ANKRD30B: variants seen among roughly 807,000 people sequenced by gnomAD.
ANKRD30B encodes the protein ankyrin repeat domain-containing protein 30B.
ANKRD30B carries 144 observed loss-of-function variants against 202.2 expected under a neutral mutation model. The observed-to-expected ratio is 0.71, with a 90% CI of 0.62 to 0.82. The LOEUF (loss-of-function observed/expected upper bound fraction) is 0.82, where lower values mean the gene tolerates loss of function less well. Ranked by LOEUF, ANKRD30B falls within the 40% of genes least tolerant of loss-of-function variation. The probability of loss-of-function intolerance (pLI) is 0.00; values close to 1 mark genes in which losing one functional copy is unlikely to be tolerated. For synonymous variants in ANKRD30B, 508 were observed against 561.3 expected (o/e 0.91, Z 1.34); for missense variants, 1,487 against 1,669.1 (o/e 0.89, Z 1.90).
chr18:14,862,043 A>G, the ANKRD30B span, among the ~76,000 whole-genome samples: 1 of 152,254 alleles, frequency 6.6e-6, no homozygotes, highest in African/African-American at 2.4e-5. Flanking sequence ...TTTTGTGTAA[A>G]TAACAGAATT....
intron 6 of ANKRD30B, among the ~76,000 whole-genome samples, chr18:14,761,536 T>A (rs1275528368): frequency 6.6e-6 from 1 of 152,232 alleles, no homozygotes; most frequent in Non-Finnish European, 1.5e-5. Flanking sequence ...GTACCCACTT[T>A]AGGCTATTTA....
chr18:14,793,935 C>T (rs2143947312), intron 16 of ANKRD30B, among the ~76,000 whole-genome samples: 1 of 151,818 alleles, frequency 6.6e-6, no homozygotes, highest in South Asian at 2.1e-4. Context: ...TACTTTCCAC[C>T]ACATTTAATT....
the ANKRD30B span, among the ~76,000 whole-genome samples, chr18:14,899,133 A>C: frequency 5.3e-5 from 8 of 152,132 alleles, no homozygotes; most frequent in Non-Finnish European, 8.8e-5. Flanking sequence ...GCCTATCAAA[A>C]ATAAATTTTG....
At chr18:14,886,484 C>A in the ANKRD30B span, among the ~76,000 whole-genome samples, 1 of 151,786 alleles carries the variant, frequency 6.6e-6, no homozygotes, top group Non-Finnish European at 1.5e-5. Context: ...TTTATACTAC[C>A]AGGAATGGAT....
At chr18:14,825,928 C>T (rs976569304) in intron 32 of ANKRD30B, among the ~76,000 whole-genome samples, 2 of 152,088 alleles carry the variant, frequency 1.3e-5, no homozygotes, top group African/African-American at 4.8e-5. Flanking sequence ...GGGGAATGCT[C>T]ATGGGGAAGG....
the ANKRD30B span, among the ~76,000 whole-genome samples, chr18:14,885,552 T>G: frequency 6.6e-6 from 1 of 152,030 alleles, no homozygotes; most frequent in African/African-American, 2.4e-5. Flanking sequence ...TAGAGAAATT[T>G]CAGTAGAAAA....
At chr18:14,786,057 A>C (rs1052773638) in intron 14 of ANKRD30B, among the ~76,000 whole-genome samples, 1 of 151,276 alleles carries the variant, frequency 6.6e-6, no homozygotes, top group Non-Finnish European at 1.5e-5. Context: ...AAAAAAAAAA[A>C]AAAAAAAAAA....
At chr18:14,940,578 G>T in the ANKRD30B span, among the ~76,000 whole-genome samples, 1 of 152,202 alleles carries the variant, frequency 6.6e-6, no homozygotes, top group Non-Finnish European at 1.5e-5. Flanking sequence ...AACAGCCTTG[G>T]GTTGAACTTG....
At chr18:14,882,940 G>T in the ANKRD30B span, among the ~76,000 whole-genome samples, 1 of 152,106 alleles carries the variant, frequency 6.6e-6, no homozygotes, top group East Asian at 1.9e-4. Context: ...CTCGCTTTTG[G>T]TGTCCATTTG....
rs56044501 is a variant in ANKRD30B, at chr18:14,843,553, CTGTGTGTGTGTGTG to C, written c.3181+484_3181+497del. Among the ~76,000 whole-genome samples the C allele has an allele frequency of 3.9e-3, 561 of 145,372 alleles. 1 individual carries two copies. Among genetic ancestry groups the C allele is most frequent in the Non-Finnish European group, 6.0e-3 (398 of 66,304 alleles). On this transcript the variant is annotated intron_variant, in intron 39 of 43. Coordinates refer to ENST00000690538, the MANE Select transcript of ANKRD30B (RefSeq NM_001367607.2). Reference sequence around the variant, plus strand: ...TCTGTTGTTCTGATTAGCTTACTTTCTGTGTGTGTGTGTGTGTGTGTGTGTGTGTGTGTGTGTGT... The same window carrying C: ...TCTGTTGTTCTGATTAGCTTACTTTCTGTGTGTGTGTGTGTGTGTGTGTGT...
chr18:14,840,646 A>C lies in ANKRD30B; in HGVS notation c.3047A>C (p.Lys1016Thr), dbSNP rs1971380693. Residue 1016 changes from lysine (K) to threonine (T), a missense_variant, in exon 37 of 44, where the codon AAA (lysine) becomes ACA (threonine). Transcript: ENST00000690538. Reference protein sequence around the residue: ...YECLPEATYQKEIKTTNGKIE... With the variant: ...YECLPEATYQTEIKTTNGKIE... ...TGTTTACCTGAGGCTACATATCAAAAAGAAATAAAGACAACAAATGGCAAA... is the reference window on the plus strand; with the variant it reads ...TGTTTACCTGAGGCTACATATCAAACAGAAATAAAGACAACAAATGGCAAA... The C allele has an allele frequency of 6.5e-7, 1 of 1,536,566 alleles. No individual in the cohort carries two copies. The highest frequency in any genetic ancestry group is 8.8e-7 in the Non-Finnish European group (1 of 1,137,976).
the ANKRD30B span, among the ~76,000 whole-genome samples, chr18:14,917,874 A>T: frequency 0.41 from 62,398 of 152,126 alleles, 14,524 homozygotes; most frequent in East Asian, 0.58. Context: ...GAACAATTGC[A>T]TGATCACCTT....
chr18:14,827,454 T>A (rs1484391564), intron 32 of ANKRD30B, among the ~76,000 whole-genome samples: 1 of 152,184 alleles, frequency 6.6e-6, no homozygotes, highest in African/African-American at 2.4e-5. Context: ...GAGCACTCAG[T>A]CTGTGGGATC....
chr18:14,786,658 CTAAG>C (rs1359839442), intron 14 of ANKRD30B, among the ~76,000 whole-genome samples: 2 of 152,006 alleles, frequency 1.3e-5, no homozygotes, highest in African/African-American at 2.4e-5. Context: ...GTCAATCAAA[CTAAG>C]TAACACTAGA....
chr18:14,791,447 C>G lies in ANKRD30B; in HGVS notation c.1781C>G (p.Ala594Gly). 1 of 1,610,926 alleles carries G rather than the reference C, an allele frequency of 6.2e-7. No individual in the cohort carries two copies. The highest frequency in any genetic ancestry group is 8.5e-7 in the Non-Finnish European group (1 of 1,178,784). ...VSQKDVYLPK[A>G]THQKEFDTLS... ...CAGAAGGATGTGTATTTACCCAAAG[C>G]TACACATCAAAAAGAATTCGATACC... is the stretch of plus-strand genomic sequence containing the variant. The change falls in exon 16 of 44, where the codon GCT (alanine) becomes GGT (glycine). Residue 594 changes from alanine to glycine, a missense_variant. Ala to Gly is a moderately conservative substitution (Grantham distance 60). This residue lies in a region of ANKRD30B where 889 missense variants were observed against 841.4 expected (regional missense o/e 1.06). Transcript: ENST00000690538.
the ANKRD30B span, among the ~76,000 whole-genome samples, chr18:14,923,232 C>T: frequency 6.6e-6 from 1 of 152,166 alleles, no homozygotes; most frequent in Non-Finnish European, 1.5e-5. Context: ...GGCCTTGGCT[C>T]TTGGATGGCA....
intron 33 of ANKRD30B, among the ~76,000 whole-genome samples, chr18:14,828,699 A>G (rs1389282228): frequency 6.6e-6 from 1 of 152,220 alleles, no homozygotes; most frequent in African/African-American, 2.4e-5. Context: ...ATTTTGTTAT[A>G]TGTTAACTCT....
intron 39 of ANKRD30B, among the ~76,000 whole-genome samples, chr18:14,846,364 C>A (rs1410391880): frequency 6.6e-6 from 1 of 151,756 alleles, no homozygotes; most frequent in African/African-American, 2.4e-5. Context: ...GCTTTTGGGT[C>A]AGGTAACATG....
intron 14 of ANKRD30B, 69 bp downstream of exon 14, chr18:14,784,604 C>A: frequency 6.8e-7 from 1 of 1,474,948 alleles, no homozygotes; most frequent in South Asian, 1.2e-5. Flanking sequence ...GTCTTTCTAT[C>A]CCCAATGATT....
Sources: gnomAD v4.1 joint callset for allele counts (sites outside exome capture counted in the v4.1 genomes callset) on GRCh38, gnomAD v4.1.1 for gene constraint, gnomAD v4.1.1 regional missense constraint, MANE v1.5 for transcripts, NCBI Gene and HGNC (gene_info 2026-07-23, HGNC 2026-07-21) for gene names.